Variants in EPHB1 observed in about 807,000 individuals in gnomAD.
EPHB1 encodes the protein ephrin type-B receptor 1.
EPHB1 carries 30 observed loss-of-function variants against 94.4 expected under a neutral mutation model. The ratio of observed to expected loss-of-function variants is 0.32; its 90% CI spans 0.24 to 0.43. The LOEUF (loss-of-function observed/expected upper bound fraction) is 0.43, where lower values mean the gene tolerates loss of function less well. Among genes scored for constraint, EPHB1 ranks in the 20% least tolerant of loss-of-function variants. The pLI, the probability that EPHB1 is intolerant of heterozygous loss-of-function variation, is 1.00. For missense variants in EPHB1, 1,055 were observed against 1,308.3 expected (o/e 0.81, Z 2.99); for synonymous variants, 522 against 489.1 (o/e 1.07, Z -0.89).
intron 7 of EPHB1, among the ~76,000 whole-genome samples, chr3:135,162,402 G>T (rs1180839275): frequency 6.6e-6 from 1 of 152,158 alleles, no homozygotes; most frequent in African/African-American, 2.4e-5. Flanking sequence ...AGGGTCTCTT[G>T]CCATGTGTGA....
intron 2 of EPHB1, among the ~76,000 whole-genome samples, chr3:134,943,957 T>A (rs2039170806): frequency 1.3e-5 from 2 of 152,236 alleles, no homozygotes; most frequent in Non-Finnish European, 2.9e-5. Flanking sequence ...ATTAAGGTAT[T>A]ATTTACCTGC....
chr3:134,892,458 T>G (rs2107685899), intron 1 of EPHB1, among the ~76,000 whole-genome samples: 1 of 152,340 alleles, frequency 6.6e-6, no homozygotes, highest in South Asian at 2.1e-4. Context: ...TAACTCTGTC[T>G]TAAGAAGAGG....
At chr3:135,186,320 G>A (rs1008232257) in intron 10 of EPHB1, among the ~76,000 whole-genome samples, 6 of 152,214 alleles carry the variant, frequency 3.9e-5, no homozygotes, top group Non-Finnish European at 7.3e-5. Flanking sequence ...AAAGGGTGAA[G>A]ATGGTTGTGA....
intron 3 of EPHB1, among the ~76,000 whole-genome samples, chr3:135,039,207 C>T (rs1936747709): frequency 6.6e-6 from 1 of 152,122 alleles, no homozygotes; most frequent in South Asian, 2.1e-4. Flanking sequence ...TAAAGGTTCT[C>T]CACGTCCTCA....
chr3:135,185,030 A>G (rs1942293394), intron 10 of EPHB1, among the ~76,000 whole-genome samples: 1 of 152,258 alleles, frequency 6.6e-6, no homozygotes, highest in South Asian at 2.1e-4. Context: ...GTATGACTAC[A>G]TAGGTAAAGG....
At chr3:135,101,611 A>C (rs941130490) in intron 3 of EPHB1, among the ~76,000 whole-genome samples, 1 of 151,510 alleles carries the variant, frequency 6.6e-6, no homozygotes, top group African/African-American at 2.4e-5. Flanking sequence ...CAAACTTCTG[A>C]TCTCAGGTGA....
At chr3:134,970,431 C>T (rs1012192247) in intron 3 of EPHB1, among the ~76,000 whole-genome samples, 1 of 152,196 alleles carries the variant, frequency 6.6e-6, no homozygotes, top group African/African-American at 2.4e-5. Flanking sequence ...CTGTCCACTG[C>T]TCCCAGTGTG....
intron 4 of EPHB1, among the ~76,000 whole-genome samples, chr3:135,127,510 G>C (rs936795941): frequency 2.0e-5 from 3 of 152,172 alleles, no homozygotes; most frequent in Admixed American, 2.0e-4. Context: ...CAATGAGCTA[G>C]ACCCGACCTG....
chr3:134,878,394 G>A (rs554193917), intron 1 of EPHB1, among the ~76,000 whole-genome samples: 1 of 152,316 alleles, frequency 6.6e-6, no homozygotes, highest in Non-Finnish European at 1.5e-5. Context: ...AACAAAAATG[G>A]CTGGAAACCC....
intron 15 of EPHB1, among the ~76,000 whole-genome samples, chr3:135,258,188 C>T (rs1231794664): frequency 6.6e-6 from 1 of 152,222 alleles, no homozygotes; most frequent in Admixed American, 6.5e-5. Context: ...ACGCTGGGAG[C>T]TGTAGACTGG....
intron 15 of EPHB1, among the ~76,000 whole-genome samples, chr3:135,255,000 G>T (rs1056748343): frequency 6.6e-6 from 1 of 152,172 alleles, no homozygotes; most frequent in Non-Finnish European, 1.5e-5. Flanking sequence ...TAGTTTATTT[G>T]CGTAGAGGTG....
intron 15 of EPHB1, among the ~76,000 whole-genome samples, chr3:135,251,553 G>A (rs991496233): frequency 6.6e-6 from 1 of 152,198 alleles, no homozygotes; most frequent in Admixed American, 6.5e-5. Context: ...CACTATTAGA[G>A]CAATTTGATT....
chr3:135,225,390 C>T (rs1473365145), intron 12 of EPHB1, among the ~76,000 whole-genome samples: 3 of 152,192 alleles, frequency 2.0e-5, no homozygotes, highest in Admixed American at 2.0e-4. Context: ...CTGGGCTTCT[C>T]CTGACTTGTG....
At chr3:134,966,854 A>G (rs1933770531) in intron 3 of EPHB1, among the ~76,000 whole-genome samples, 1 of 152,248 alleles carries the variant, frequency 6.6e-6, no homozygotes, top group South Asian at 2.1e-4. Context: ...GTGCATGGCC[A>G]GGGGAATGGC....
chr3:135,216,730 A>G (rs1943157610), intron 12 of EPHB1, among the ~76,000 whole-genome samples: 1 of 137,252 alleles, frequency 7.3e-6, no homozygotes, highest in African/African-American at 2.9e-5. Context: ...CTCAGGGAAA[A>G]AAAAAAAAAA....
chr3:135,237,319 C>T (rs974930151), intron 12 of EPHB1, among the ~76,000 whole-genome samples: 1 of 151,926 alleles, frequency 6.6e-6, no homozygotes, highest in Non-Finnish European at 1.5e-5. Flanking sequence ...CACAGACAGA[C>T]ACAAAATCTT....
chr3:134,965,863 C>T (rs1348114755), intron 3 of EPHB1, among the ~76,000 whole-genome samples: 1 of 152,162 alleles, frequency 6.6e-6, no homozygotes, highest in Non-Finnish European at 1.5e-5. Flanking sequence ...TCCACACAAC[C>T]ACTTCTTTGG....
chr3:134,798,395 G>C (rs1318993866), intron 1 of EPHB1, among the ~76,000 whole-genome samples: 6 of 152,088 alleles, frequency 3.9e-5, no homozygotes, highest in Non-Finnish European at 8.8e-5. Flanking sequence ...AGGGGAGGGG[G>C]CTCAAATTCT....
intron 1 of EPHB1, among the ~76,000 whole-genome samples, chr3:134,837,236 A>C (rs2036688021): frequency 6.6e-6 from 1 of 152,212 alleles, no homozygotes; most frequent in South Asian, 2.1e-4. Context: ...AAATAATCTA[A>C]TCTTTTAAGC....
Sources: allele counts gnomAD v4.1 joint callset (sites outside exome capture counted in the v4.1 genomes callset), GRCh38; gene constraint gnomAD v4.1.1; transcripts MANE v1.5; gene names NCBI Gene and HGNC (gene_info 2026-07-23, HGNC 2026-07-21).